Variants in NXPE2 observed in about 807,000 individuals in gnomAD.
The protein encoded by NXPE2 is neurexophilin and PC-esterase domain family member 2, also known as NXPE family member 2.
A neutral mutation model predicts 34.4 loss-of-function variants in NXPE2; 34 were observed. The observed-to-expected ratio is 0.99, with a 90% CI of 0.75 to 1.31. The LOEUF (loss-of-function observed/expected upper bound fraction) is 1.31. Ranked by LOEUF, NXPE2 falls within the 40% of genes most tolerant of loss-of-function variation. The pLI is 0.00. For synonymous variants in NXPE2, 235 were observed against 231.3 expected (o/e 1.02, Z -0.15); for missense variants, 649 against 672.5 (o/e 0.97, Z 0.39).
At chr11:114,797,070 C>A in the NXPE2 span, among the ~76,000 whole-genome samples, 2 of 152,150 alleles carry the variant, frequency 1.3e-5, no homozygotes, top group Non-Finnish European at 2.9e-5. Context: ...AGGCAGGAAG[C>A]AATGGGTCAT....
the NXPE2 span, among the ~76,000 whole-genome samples, chr11:114,465,030 G>A: frequency 6.6e-6 from 1 of 152,154 alleles, no homozygotes. Flanking sequence ...CAAATATAAA[G>A]TGTGATCATA....
chr11:114,528,006 G>T, the NXPE2 span: 1 of 714,608 alleles, frequency 1.4e-6, no homozygotes. Context: ...TTCTATAACT[G>T]GAAGCTGTTA....
chr11:114,520,024 G>A, the NXPE2 span, among the ~76,000 whole-genome samples: 3 of 151,888 alleles, frequency 2.0e-5, no homozygotes, highest in East Asian at 5.8e-4. Flanking sequence ...CTGTGGTCTC[G>A]ATCTCCTGAC....
chr11:114,688,891 ATAG>A (rs1951096202), intron 2 of NXPE2, among the ~76,000 whole-genome samples: 1 of 152,112 alleles, frequency 6.6e-6, no homozygotes, highest in Non-Finnish European at 1.5e-5. Context: ...AGAAATATTC[ATAG>A]TAGTCTCTGA....
At chr11:114,791,258 C>G in the NXPE2 span, among the ~76,000 whole-genome samples, 5 of 151,874 alleles carry the variant, frequency 3.3e-5, no homozygotes, top group African/African-American at 4.8e-5. Flanking sequence ...TTCTTACAGA[C>G]TCTTTAAAAT....
the NXPE2 span, among the ~76,000 whole-genome samples, chr11:114,592,430 C>G: frequency 1.8e-3 from 268 of 151,934 alleles, 3 homozygotes; most frequent in African/African-American, 6.3e-3. Flanking sequence ...ACAGTAGCTA[C>G]AAAAACCCTA....
the NXPE2 span, among the ~76,000 whole-genome samples, chr11:114,669,226 C>A: frequency 6.6e-6 from 1 of 152,064 alleles, no homozygotes; most frequent in African/African-American, 2.4e-5. Flanking sequence ...GAAATTATCC[C>A]AAGGGCATAC....
the NXPE2 span, among the ~76,000 whole-genome samples, chr11:114,519,926 C>T: frequency 1.6e-4 from 24 of 151,738 alleles, no homozygotes; most frequent in Middle Eastern, 3.4e-3. Context: ...GAGTCTCGCT[C>T]TGTAGCCCAG....
the NXPE2 span, among the ~76,000 whole-genome samples, chr11:114,649,308 A>G: frequency 6.6e-6 from 1 of 152,214 alleles, no homozygotes; most frequent in Non-Finnish European, 1.5e-5. Context: ...CATTATTCTT[A>G]GTAGCAAAAA....
chr11:114,470,582 CGTGTGTGTGTGTGTGTGTGTGTGTGTGT>C, the NXPE2 span, among the ~76,000 whole-genome samples: 3 of 144,834 alleles, frequency 2.1e-5, no homozygotes, highest in Non-Finnish European at 4.5e-5. Flanking sequence ...AAAGAATTGA[CGTGTGTGTGTGTGTGTGTGTGTGTGTGT>C]GTGTGTGTGT....
the NXPE2 span, among the ~76,000 whole-genome samples, chr11:114,800,607 C>T: frequency 1.3e-5 from 2 of 152,158 alleles, no homozygotes; most frequent in African/African-American, 4.8e-5. Flanking sequence ...ATTTATCTTT[C>T]ATATTCTAGC....
the NXPE2 span, chr11:114,584,215 G>C: frequency 1.7e-4 from 68 of 394,308 alleles, no homozygotes; most frequent in African/African-American, 1.3e-3. Flanking sequence ...TGTGGCTCTG[G>C]ATATGGAGAT....
At chr11:114,622,664 C>T in the NXPE2 span, among the ~76,000 whole-genome samples, 27 of 151,882 alleles carry the variant, frequency 1.8e-4, no homozygotes, top group African/African-American at 5.6e-4. Flanking sequence ...CAGTGTTACC[C>T]GGTGGATAAT....
chr11:114,757,831 A>G, the NXPE2 span, among the ~76,000 whole-genome samples: 102 of 152,336 alleles, frequency 6.7e-4, no homozygotes, highest in Middle Eastern at 6.8e-3. Context: ...ATTCACATTC[A>G]GGAGCAGTGG....
the NXPE2 span, among the ~76,000 whole-genome samples, chr11:114,502,949 G>A: frequency 6.6e-6 from 1 of 152,202 alleles, no homozygotes; most frequent in Non-Finnish European, 1.5e-5. Flanking sequence ...GAGTGGAAAA[G>A]CAGTGAATAC....
the NXPE2 span, among the ~76,000 whole-genome samples, chr11:114,805,500 C>T: frequency 6.6e-6 from 1 of 152,370 alleles, no homozygotes. Context: ...AATACTGAAG[C>T]TTTTCCAACC....
At chr11:114,642,724 A>G in the NXPE2 span, among the ~76,000 whole-genome samples, 291 of 152,124 alleles carry the variant, frequency 1.9e-3, 2 homozygotes, top group African/African-American at 5.6e-3. Flanking sequence ...CAATATACAT[A>G]TGTGTGCATG....
the NXPE2 span, among the ~76,000 whole-genome samples, chr11:114,596,107 C>T: frequency 6.6e-6 from 1 of 152,228 alleles, no homozygotes; most frequent in East Asian, 1.9e-4. Flanking sequence ...TTCCATCTAG[C>T]GTTATCATCA....
At chr11:114,746,449 T>A in the NXPE2 span, among the ~76,000 whole-genome samples, 1 of 152,200 alleles carries the variant, frequency 6.6e-6, no homozygotes, top group African/African-American at 2.4e-5. Context: ...TCAAGGATTG[T>A]TACAAAACCA....
Sources: gnomAD v4.1 joint callset for allele counts (sites outside exome capture counted in the v4.1 genomes callset) on GRCh38, gnomAD v4.1.1 for gene constraint, MANE v1.5 for transcripts, NCBI Gene and HGNC (gene_info 2026-07-23, HGNC 2026-07-21) for gene names.